The following FTCD variants were observed in gnomAD, a reference collection of about 807,000 sequenced individuals.
FTCD encodes formimidoyltransferase-cyclodeaminase.
A neutral mutation model predicts 62.9 loss-of-function variants in FTCD; 76 were observed. That is an observed-to-expected ratio of 1.21 (90% confidence interval 1.00 to 1.46). The LOEUF (loss-of-function observed/expected upper bound fraction) is 1.46. FTCD is among the 40% of genes most tolerant of loss of function. FTCD has a pLI of 0.00. For synonymous variants in FTCD, 397 were observed against 336.9 expected, an observed-to-expected ratio of 1.18 and a Z score of -1.95; for missense variants, 845 against 751.3, an observed-to-expected ratio of 1.12 and a Z score of -1.46.
downstream of FTCD, chr21:46,136,521 C>T: frequency 6.2e-7 from 1 of 1,611,350 alleles, no homozygotes; most frequent in Non-Finnish European, 8.5e-7. Flanking sequence ...ACCAGGGCCC[C>T]TTTCCCTCAG....
In FTCD at chr21:46,145,573, C is replaced by G. The variant is rs1000234163; in HGVS notation, c.1104G>C (p.Ala368=). The G allele has an allele frequency of 6.5e-7, 1 of 1,538,620 alleles. No individual in the cohort carries two copies. Among genetic ancestry groups the G allele is most frequent in the Non-Finnish European group, 8.8e-7 (1 of 1,141,192 alleles). Residue 368 remains alanine (A), a synonymous_variant, in exon 10 of 14, where the codon GCG becomes GCC. Coordinates refer to ENST00000397746, the MANE Select transcript of FTCD (RefSeq NM_206965.2). ...TGAGGCCCACCATGGAGCCCAGCGC[C>G]GCACCCTGCGAGAGGGGTGGATGTG... ...SVAAAAAAMG[A]ALGSMVGLMT... is the part of the protein sequence containing the mutation.
At position 46,145,883 on chromosome 21, in the gene FTCD, C is replaced by G; in HGVS notation, c.1033G>C (p.Gly345Arg). The G allele has an allele frequency of 6.7e-7, 1 of 1,484,518 alleles. No homozygotes were observed. Among genetic ancestry groups the G allele is most frequent in the Non-Finnish European group, 8.9e-7 (1 of 1,124,912 alleles). 92.0% of individuals were successfully genotyped at this position (1,484,518 alleles called of 1,614,324 possible). Residue 345 changes from glycine to arginine, a missense_variant, in exon 9 of 14, where the codon GGG becomes CGG. By Grantham distance (125) the Gly-to-Arg change is moderately radical (BLOSUM62 -2). Coordinates refer to ENST00000397746, the MANE Select transcript of FTCD (RefSeq NM_206965.2). Reference sequence around the variant, plus strand: ...GCCGCAGAGCGGGCACCCACCTCCCCCACGAAGGCGCGCAGGGACTTGCTG... The same window carrying G: ...GCCGCAGAGCGGGCACCCACCTCCCGCACGAAGGCGCGCAGGGACTTGCTG... ...LGSKSLRAFV[G>R]EVGARSAAPG...
Position 46,151,644 on chromosome 21 carries a change from C to A in FTCD, c.550G>T (p.Ala184Ser). ...GTGCCGAGCAGGTTGATGTTAAAAG[C>A]AATGAGGAACTTCCTCGCCCCCGTG... ...TATGARKFLIAFNINLLGTKE... is the reference protein window; with the variant it reads ...TATGARKFLISFNINLLGTKE... The change falls in exon 5 of 14, where the codon GCT becomes TCT. Residue 184 changes from alanine to serine, a missense_variant. Ala to Ser is a moderately conservative substitution (Grantham distance 99). Coordinates refer to ENST00000397746, the MANE Select transcript of FTCD (RefSeq NM_206965.2). The A allele has an allele frequency of 6.2e-7, 1 of 1,613,090 alleles. No homozygotes were observed. Among genetic ancestry groups the A allele is most frequent in the Non-Finnish European group, 8.5e-7 (1 of 1,179,960 alleles).
chr21:46,153,127 T>C, intron 2 of FTCD, 92 bp from the exon 3 acceptor site: 2 of 1,355,338 alleles, frequency 1.5e-6, no homozygotes, highest in Non-Finnish European at 2.0e-6. Flanking sequence ...CTCTCCGGCC[T>C]GGGCAGCCCC....
intron 11 of FTCD, 114 bp from the exon 12 acceptor site, chr21:46,138,760 C>A: frequency 1.4e-6 from 2 of 1,450,150 alleles, no homozygotes; most frequent in Non-Finnish European, 1.9e-6. Context: ...GGAAGTCATT[C>A]CCAAACACCC....
chr21:46,142,679 C>T (rs575906806), intron 10 of FTCD: 1 of 152,368 alleles, frequency 6.6e-6, no homozygotes, highest in South Asian at 2.1e-4. Context: ...AAAGCCCCCA[C>T]AGCTTGGAAC....
At position 46,138,930 on chromosome 21, in the gene FTCD, TAA is replaced by T. The variant is rs762886669; in HGVS notation, c.1261-9_1261-8del. The T allele has an allele frequency of 2.5e-6, 4 of 1,611,346 alleles. No homozygotes were observed. In the African/African-American group the frequency reaches 4.0e-5, roughly 16 times the overall value. Reference sequence around the variant, plus strand: ...TGGGGAGCCTCATTGCTTCCTGCCATAAAGAGACAGAACCACTGGGCGAGGGA... The same window carrying T: ...TGGGGAGCCTCATTGCTTCCTGCCATAGAGACAGAACCACTGGGCGAGGGA... On this transcript the variant is annotated splice_region_variant and splice_polypyrimidine_tract_variant and intron_variant, in intron 10 of 13. Transcript: ENST00000397746.
chr21:46,141,021 C>A (rs116569388), intron 10 of FTCD, among the ~76,000 whole-genome samples: 3 of 152,262 alleles, frequency 2.0e-5, no homozygotes, highest in Non-Finnish European at 2.9e-5. Flanking sequence ...CTAAACCACA[C>A]GTCTTGTTTC....
intron 7 of FTCD, among the ~76,000 whole-genome samples, chr21:46,149,351 C>CT (rs1470457569): frequency 6.6e-6 from 1 of 152,158 alleles, no homozygotes; most frequent in African/African-American, 2.4e-5. Context: ...GGTCCTACAG[C>CT]TAGAGAACTA....
At chr21:46,153,706 G>A (rs555629298) in intron 2 of FTCD, among the ~76,000 whole-genome samples, 31 of 152,340 alleles carry the variant, frequency 2.0e-4, no homozygotes, top group African/African-American at 6.3e-4. Flanking sequence ...CCTGGCCAGC[G>A]CCCGTGTGTC....
chr21:46,149,838 C>G (rs987646717), intron 7 of FTCD, among the ~76,000 whole-genome samples: 1 of 152,224 alleles, frequency 6.6e-6, no homozygotes, highest in Non-Finnish European at 1.5e-5. Context: ...GAGGCACAGG[C>G]CCCTCCACGG....
intron 9 of FTCD, 47 bp from the exon 10 acceptor site, chr21:46,145,625 G>T: frequency 6.8e-7 from 1 of 1,465,496 alleles, no homozygotes; most frequent in Non-Finnish European, 9.2e-7. Context: ...CAGACGGCCC[G>T]GGACCGACCC....
chr21:46,146,024 C>T (rs1399824335), intron 8 of FTCD, 77 bp from the exon 9 acceptor site: 5 of 921,152 alleles, frequency 5.4e-6, no homozygotes, highest in African/African-American at 1.7e-5. Context: ...CGGCCCCAGG[C>T]CCCACGCCCG....
chr21:46,151,725 CG>C lies in FTCD; in HGVS notation c.468del (p.Asp157ThrfsTer60). 6.2e-7 allele frequency: 1 copy of C among 1,612,876 alleles called. No individual in the cohort carries two copies. Among genetic ancestry groups the C allele is most frequent in the Non-Finnish European group, 8.5e-7 (1 of 1,179,966 alleles). On this transcript the variant is annotated frameshift_variant, in exon 5 of 14. Coordinates refer to ENST00000397746, the MANE Select transcript of FTCD (RefSeq NM_206965.2). LOFTEE classifies it high-confidence loss of function. ...YEALPKKLQQ[A>X]DWAPDFGPSS... ...CTGGGACCAAAGTCGGGCGCCCAGT[CG>C]GCCTGCTGGAGCTGTGAGCAAGTTC...
chr21:46,150,316 T>C, intron 6 of FTCD, 66 bp from the exon 7 acceptor site: 1 of 1,609,796 alleles, frequency 6.2e-7, no homozygotes, highest in Non-Finnish European at 8.5e-7. Context: ...CTGGAGGATG[T>C]GGGGCCCCCG....
At chr21:46,153,705 C>T (rs537306842) in intron 2 of FTCD, among the ~76,000 whole-genome samples, 26 of 152,374 alleles carry the variant, frequency 1.7e-4, no homozygotes, top group Admixed American at 1.7e-3. Flanking sequence ...CCCTGGCCAG[C>T]GCCCGTGTGT....
Position 46,145,597 on chromosome 21 carries a change from TG to T in FTCD, c.1099-20del. The T allele has an allele frequency of 6.6e-7, 1 of 1,524,508 alleles. No individual in the cohort carries two copies. Among genetic ancestry groups the T allele is most frequent in the African/African-American group, 1.4e-5 (1 of 72,308 alleles). 94.4% of individuals were successfully genotyped at this position (1,524,508 alleles called of 1,614,324 possible). A position where few individuals can be genotyped will look rare whatever the true frequency, so the allele number is the denominator to read the frequency against. ...CCGCACCCTGCGAGAGGGGTGGATG[TG>T]GGGGTCGCAGGGACCCCAGACGGCC... On this transcript the variant is annotated intron_variant, in intron 9 of 13. Coordinates refer to ENST00000397746, the MANE Select transcript of FTCD (RefSeq NM_206965.2).
chr21:46,146,135 C>A lies in FTCD; in HGVS notation c.968+131G>T, dbSNP rs1601327188. 5 of 790,076 alleles carry A rather than the reference C, an allele frequency of 6.3e-6. No individual in the cohort carries two copies. The East Asian group carries it at 1.3e-4, about 21-fold the overall frequency. The allele number at this position is 790,076 out of a possible 1,614,324, so 48.9% of individuals were successfully genotyped here. ...CCCCCAGACCCCGGCTTGGCGCAGG[C>A]CGAGTAGGCGCCCAAAGGGAGGCGC... On this transcript the variant is annotated intron_variant, in intron 8 of 13. Transcript: ENST00000397746.
chr21:46,149,632 A>G (rs963814095), intron 7 of FTCD, among the ~76,000 whole-genome samples: 1 of 152,180 alleles, frequency 6.6e-6, no homozygotes, highest in Non-Finnish European at 1.5e-5. Flanking sequence ...ACGCTGCCAC[A>G]CCCCAGCAGG....
Sources: gnomAD v4.1 joint callset for allele counts (sites outside exome capture counted in the v4.1 genomes callset) on GRCh38, gnomAD v4.1.1 for gene constraint, MANE v1.5 for transcripts, NCBI Gene and HGNC (gene_info 2026-07-23, HGNC 2026-07-21) for gene names.